Variants in RAPGEF4 observed in about 807,000 individuals in gnomAD.
The protein encoded by RAPGEF4 is Rap guanine nucleotide exchange factor 4.
Under a neutral mutation model 147.9 loss-of-function variants are expected in RAPGEF4, and 66 were observed. The observed-to-expected ratio is 0.45, with a 90% CI of 0.37 to 0.55. The LOEUF (loss-of-function observed/expected upper bound fraction) is 0.55, where lower values mean the gene tolerates loss of function less well. RAPGEF4 is among the 20% of genes least tolerant of loss of function. The probability of loss-of-function intolerance (pLI) is 0.00; values close to 1 mark genes in which losing one functional copy is unlikely to be tolerated. For synonymous variants in RAPGEF4, 419 were observed against 442.7 expected, an observed-to-expected ratio of 0.95 and a Z score of 0.67; for missense variants, 1,071 against 1,257.3, an observed-to-expected ratio of 0.85 and a Z score of 2.24.
In RAPGEF4 at chr2:172,983,485, T is replaced by TA. The variant is rs374003541; in HGVS notation, c.1005-10dup. 481 of 1,582,782 alleles carry TA rather than the reference T, an allele frequency of 3.0e-4. 1 individual carries two copies. In the African/African-American group the frequency reaches 5.8e-3, roughly 19 times the overall value. On this transcript the variant is annotated splice_polypyrimidine_tract_variant and intron_variant, in intron 10 of 30. Coordinates refer to ENST00000397081, the MANE Select transcript of RAPGEF4 (RefSeq NM_007023.4). ...TTTTCCATATTCCTTTTTTTTTTTT[T>TA]ATCTTTGTAGACCTGGCCAGAGGAC...
At chr2:173,010,389 T>C (rs1230401115) in intron 17 of RAPGEF4, among the ~76,000 whole-genome samples, 2 of 152,252 alleles carry the variant, frequency 1.3e-5, no homozygotes, top group African/African-American at 4.8e-5. Flanking sequence ...TATTGCTTCT[T>C]TCCTGGACCC....
chr2:172,792,094 C>T (rs926936999), intron 1 of RAPGEF4, among the ~76,000 whole-genome samples: 4 of 152,236 alleles, frequency 2.6e-5, no homozygotes, highest in African/African-American at 9.6e-5. Flanking sequence ...CCTGTGGCTG[C>T]TACCAGTGCT....
intron 1 of RAPGEF4, among the ~76,000 whole-genome samples, chr2:172,773,956 A>G (rs1027017349): frequency 6.6e-6 from 1 of 152,182 alleles, no homozygotes; most frequent in Non-Finnish European, 1.5e-5. Context: ...AGTAAGGTGC[A>G]TACATAATTT....
At chr2:172,896,409 C>T (rs1433628870) in intron 4 of RAPGEF4, among the ~76,000 whole-genome samples, 1 of 152,132 alleles carries the variant, frequency 6.6e-6, no homozygotes, top group African/African-American at 2.4e-5. Flanking sequence ...CTCTTACTCA[C>T]ATTTTGTATT....
chr2:172,737,320 A>G (rs1471511875), intron 1 of RAPGEF4, among the ~76,000 whole-genome samples: 1 of 152,234 alleles, frequency 6.6e-6, no homozygotes, highest in Non-Finnish European at 1.5e-5. Flanking sequence ...AGAAGAACTA[A>G]GAGTATTTAA....
At chr2:173,022,840 T>C (rs1021829596) in intron 23 of RAPGEF4, among the ~76,000 whole-genome samples, 7 of 152,264 alleles carry the variant, frequency 4.6e-5, no homozygotes, top group Non-Finnish European at 8.8e-5. Flanking sequence ...AACTTTACTC[T>C]TCACATTTTA....
chr2:172,881,370 C>T (rs967458415), intron 4 of RAPGEF4, among the ~76,000 whole-genome samples: 1 of 152,168 alleles, frequency 6.6e-6, no homozygotes, highest in African/African-American at 2.4e-5. Flanking sequence ...AAGGCGAATG[C>T]TTTTTATAAT....
At chr2:173,024,059 T>C (rs12621472) in intron 23 of RAPGEF4, among the ~76,000 whole-genome samples, 5,953 of 152,158 alleles carry the variant, frequency 0.039, 152 homozygotes, top group South Asian at 0.081. Flanking sequence ...TCGGTTCAGT[T>C]CCCTAAGATT....
intron 4 of RAPGEF4, among the ~76,000 whole-genome samples, chr2:172,834,908 C>T (rs2149683066): frequency 6.6e-6 from 1 of 152,092 alleles, no homozygotes; most frequent in East Asian, 1.9e-4. Flanking sequence ...ATTTTGTTTT[C>T]CTGTGGCATA....
At chr2:172,830,755 C>T (rs1243873416) in intron 4 of RAPGEF4, among the ~76,000 whole-genome samples, 1 of 152,108 alleles carries the variant, frequency 6.6e-6, no homozygotes, top group Non-Finnish European at 1.5e-5. Flanking sequence ...AGGCACGTGC[C>T]ACCACACCTG....
chr2:173,027,956 C>T (rs1184404330), intron 25 of RAPGEF4, among the ~76,000 whole-genome samples: 1 of 152,184 alleles, frequency 6.6e-6, no homozygotes, highest in Non-Finnish European at 1.5e-5. Context: ...TGGCCTATGG[C>T]TGTGAGACTT....
At chr2:172,958,574 G>T (rs532987623) in intron 6 of RAPGEF4, among the ~76,000 whole-genome samples, 24 of 152,328 alleles carry the variant, frequency 1.6e-4, no homozygotes, top group African/African-American at 5.1e-4. Flanking sequence ...AACAGAGCAT[G>T]GACTATTTCA....
chr2:172,927,616 C>CA (rs1685503505), intron 6 of RAPGEF4, among the ~76,000 whole-genome samples: 1 of 149,714 alleles, frequency 6.7e-6, no homozygotes, highest in African/African-American at 2.4e-5. Flanking sequence ...GCCTGGGTGA[C>CA]AGAGTGAGAC....
intron 4 of RAPGEF4, among the ~76,000 whole-genome samples, chr2:172,819,891 T>G (rs543132797): frequency 6.6e-6 from 1 of 152,366 alleles, no homozygotes; most frequent in South Asian, 2.1e-4. Flanking sequence ...TTTAAAGCAG[T>G]TATTATATTA....
chr2:172,822,075 T>C (rs1689129525), intron 4 of RAPGEF4: 1 of 1,413,250 alleles, frequency 7.1e-7, no homozygotes, highest in Non-Finnish European at 9.8e-7. Flanking sequence ...AAAACATCTC[T>C]GGCTTTTCTA....
chr2:172,933,060 G>A (rs543347630), intron 6 of RAPGEF4, among the ~76,000 whole-genome samples: 21 of 152,268 alleles, frequency 1.4e-4, no homozygotes, highest in African/African-American at 4.8e-4. Flanking sequence ...GTCAATTCAT[G>A]CACCTTTAGG....
rs372856987 is a variant in RAPGEF4, at chr2:172,770,840, C to T, written c.66-24185C>T. ...TATACCTAAGGGACTGATTCTGCAG[C>T]CTTTGGATGGCCTGAGCTTCAAAAG... On this transcript the variant is annotated intron_variant, in intron 1 of 30. Transcript: ENST00000397081. Among the ~76,000 whole-genome samples the T allele has an allele frequency of 1.3e-4, 20 of 152,146 alleles. 2 individuals are homozygous for T. Among genetic ancestry groups the T allele is most frequent in the Admixed American group, 1.1e-3 (17 of 15,276 alleles).
chr2:172,739,166 GA>G (rs1694077837), intron 1 of RAPGEF4, among the ~76,000 whole-genome samples: 2 of 152,090 alleles, frequency 1.3e-5, no homozygotes. Flanking sequence ...CATTTGGATG[GA>G]TAAACCAACA....
chr2:172,902,721 A>G (rs1699201811), intron 4 of RAPGEF4, among the ~76,000 whole-genome samples: 1 of 152,216 alleles, frequency 6.6e-6, no homozygotes, highest in African/African-American at 2.4e-5. Flanking sequence ...ATTTGATGAT[A>G]TAAAGTATGG....
Sources: allele counts gnomAD v4.1 joint callset (sites outside exome capture counted in the v4.1 genomes callset), GRCh38; gene constraint gnomAD v4.1.1; transcripts MANE v1.5; gene names NCBI Gene and HGNC (gene_info 2026-07-23, HGNC 2026-07-21).